RSPH14: variants seen among roughly 807,000 people sequenced by gnomAD.
RSPH14 encodes the protein radial spoke head 14 homolog.
Under a neutral mutation model 26.7 loss-of-function variants are expected in RSPH14, and 20 were observed. The observed-to-expected ratio is 0.75, with a 90% CI of 0.53 to 1.09. RSPH14 has a LOEUF of 1.09. Among genes scored for constraint, RSPH14 ranks in the 50% least tolerant of loss-of-function variants. RSPH14 has a pLI of 0.00. For missense variants in RSPH14, 449 were observed against 457.2 expected (o/e 0.98, Z 0.16); for synonymous variants, 177 against 189.3 (o/e 0.93, Z 0.53).
chr22:23,123,574 C>T (rs1021554460), intron 4 of RSPH14: 83 of 608,544 alleles, frequency 1.4e-4, no homozygotes, highest in African/African-American at 1.3e-3. Flanking sequence ...CCTCCTTGGC[C>T]CCACATTTCT....
In RSPH14 at chr22:23,130,699, TG is replaced by T. The variant is rs554264822; in HGVS notation, c.421+3326del. The stretch of plus-strand genomic sequence containing the variant: ...CACACTCCTTCAAATCAATAAGAAA[TG>T]GAAAAACAACTCGGCAACAGAATGA... On this transcript the variant is annotated intron_variant, in intron 4 of 6. Transcript: ENST00000216036. Among the ~76,000 whole-genome samples the T allele has an allele frequency of 4.1e-3, 629 of 151,798 alleles. 7 individuals are homozygous for T. The highest frequency in any genetic ancestry group is 0.014 in the African/African-American group (598 of 41,356).
At chr22:23,130,076 A>AAAGAAAGG (rs1343997726) in intron 4 of RSPH14, among the ~76,000 whole-genome samples, 3 of 31,262 alleles carry the variant, frequency 9.6e-5, no homozygotes, top group Admixed American at 3.2e-4. Context: ...AGAAAGAAAG[A>AAAGAAAGG]AAGAAAGGAA....
At chr22:23,177,587 G>A in the RSPH14 span, among the ~76,000 whole-genome samples, 1 of 152,042 alleles carries the variant, frequency 6.6e-6, no homozygotes, top group Non-Finnish European at 1.5e-5. Context: ...TTCCTCCCTA[G>A]GGAGGGATGG....
chr22:23,105,655 T>C (rs1265744733), intron 4 of RSPH14, among the ~76,000 whole-genome samples: 2 of 152,212 alleles, frequency 1.3e-5, no homozygotes, highest in Non-Finnish European at 2.9e-5. Flanking sequence ...TTTCTTCGCA[T>C]GGTGATGGCG....
chr22:23,096,671 C>T (rs756096656), intron 4 of RSPH14, among the ~76,000 whole-genome samples: 3 of 152,268 alleles, frequency 2.0e-5, no homozygotes, highest in African/African-American at 4.8e-5. Context: ...TGTGAGGCTC[C>T]GCCGGGCATC....
At position 23,107,372 on chromosome 22, in the gene RSPH14, A is replaced by G. The variant is rs145474458; in HGVS notation, c.421+26654T>C. 3.2e-3 allele frequency among the ~76,000 whole-genome samples: 490 copies of G among 152,228 alleles called. 2 individuals carry two copies. The highest frequency in any genetic ancestry group is 0.011 in the African/African-American group (467 of 41,564). Reference sequence around the variant, plus strand: ...GCCTGTGCCCTCCTGAGCTGCCTACATGGGCAGCTGAGCAGCCCTGTGCGG... The same window carrying G: ...GCCTGTGCCCTCCTGAGCTGCCTACGTGGGCAGCTGAGCAGCCCTGTGCGG... On this transcript the variant is annotated intron_variant, in intron 4 of 6. Coordinates refer to ENST00000216036, the MANE Select transcript of RSPH14 (RefSeq NM_014433.3).
intron 4 of RSPH14, among the ~76,000 whole-genome samples, chr22:23,072,962 C>A (rs993370362): frequency 1.3e-5 from 2 of 152,212 alleles, no homozygotes; most frequent in African/African-American, 4.8e-5. Flanking sequence ...AAGGGCTGCC[C>A]AGGGCCCCCG....
chr22:23,112,411 T>G (rs2069681411), intron 4 of RSPH14, among the ~76,000 whole-genome samples: 1 of 152,150 alleles, frequency 6.6e-6, no homozygotes, highest in East Asian at 1.9e-4. Flanking sequence ...TGGCAATGCC[T>G]TCCACCAGGT....
At chr22:23,165,928 C>T in the RSPH14 span, among the ~76,000 whole-genome samples, 12 of 152,170 alleles carry the variant, frequency 7.9e-5, no homozygotes, top group East Asian at 1.9e-4. Flanking sequence ...GGGCGGATCA[C>T]GAGGTCAGGA....
intron 4 of RSPH14, among the ~76,000 whole-genome samples, chr22:23,075,684 G>A (rs567491694): frequency 1.3e-5 from 2 of 152,214 alleles, no homozygotes; most frequent in Non-Finnish European, 2.9e-5. Flanking sequence ...AAGCCCGGGG[G>A]TGTTCCTTCT....
intron 4 of RSPH14, among the ~76,000 whole-genome samples, chr22:23,099,265 G>A (rs2069224158): frequency 6.6e-6 from 1 of 152,276 alleles, no homozygotes; most frequent in African/African-American, 2.4e-5. Context: ...AGCAGGGAAG[G>A]CAGATTTCCG....
chr22:23,169,017 C>T, the RSPH14 span, among the ~76,000 whole-genome samples: 1 of 152,220 alleles, frequency 6.6e-6, no homozygotes, highest in Non-Finnish European at 1.5e-5. Context: ...AATTTCGCCT[C>T]CTGTGAAGGC....
At chr22:23,160,291 T>C in the RSPH14 span, among the ~76,000 whole-genome samples, 77,797 of 151,998 alleles carry the variant, frequency 0.51, 20,081 homozygotes, top group East Asian at 0.65. Context: ...TAACAGTGAG[T>C]TCACCGACAG....
chr22:23,115,713 C>T (rs2069811775), intron 4 of RSPH14, among the ~76,000 whole-genome samples: 1 of 152,178 alleles, frequency 6.6e-6, no homozygotes, highest in African/African-American at 2.4e-5. Flanking sequence ...AGGGGCCCCA[C>T]CTGAAGTTGG....
chr22:23,062,254 G>T (rs2068112930), intron 5 of RSPH14, among the ~76,000 whole-genome samples: 1 of 152,326 alleles, frequency 6.6e-6, no homozygotes, highest in Admixed American at 6.5e-5. Flanking sequence ...GGACCCAGGG[G>T]TGTCAACCAC....
intron 4 of RSPH14, chr22:23,123,291 G>T: frequency 6.2e-7 from 1 of 1,614,076 alleles, no homozygotes; most frequent in Non-Finnish European, 8.5e-7. Flanking sequence ...GCAGTTTGAA[G>T]ACCTGAACCG....
chr22:23,064,123 C>T lies in RSPH14; in HGVS notation c.432G>A (p.Glu144=). Residue 144 remains glutamate, a synonymous_variant, in exon 5 of 7, where the codon GAG becomes GAA. Coordinates refer to ENST00000216036, the MANE Select transcript of RSPH14 (RefSeq NM_014433.3). The part of the protein sequence containing the change: ...QLVQVPRGAQ[E]IISKGLISSL... ...AGGAAATCAGACCTTTGCTGATGAT[C>T]TCTTGGGCCCCTACAAGGCAGGAAA... 1.2e-6 allele frequency: 2 copies of T among 1,614,150 alleles called. No homozygotes were observed. The highest frequency in any genetic ancestry group is 1.7e-6 in the Non-Finnish European group (2 of 1,180,014).
At chr22:23,075,668 A>G (rs537508932) in intron 4 of RSPH14, among the ~76,000 whole-genome samples, 1 of 152,340 alleles carries the variant, frequency 6.6e-6, no homozygotes, top group Admixed American at 6.5e-5. Flanking sequence ...CCTTACACAT[A>G]GTGTCAAGCC....
intron 4 of RSPH14, among the ~76,000 whole-genome samples, chr22:23,076,841 A>G (rs1472775343): frequency 6.6e-6 from 1 of 152,224 alleles, no homozygotes; most frequent in Non-Finnish European, 1.5e-5. Context: ...CTCTCAGGCC[A>G]GTAGAGGAGC....
Sources: gnomAD v4.1 joint callset for allele counts (sites outside exome capture counted in the v4.1 genomes callset) on GRCh38, gnomAD v4.1.1 for gene constraint, MANE v1.5 for transcripts, NCBI Gene and HGNC (gene_info 2026-07-23, HGNC 2026-07-21) for gene names.